EPHA8: variants seen among roughly 807,000 people sequenced by gnomAD.
EPHA8 encodes the protein ephrin type-A receptor 8.
A neutral mutation model predicts 103.6 loss-of-function variants in EPHA8; 58 were observed. The ratio of observed to expected loss-of-function variants is 0.56; its 90% confidence interval spans 0.45 to 0.70. The LOEUF (loss-of-function observed/expected upper bound fraction) is 0.70. Ranked by LOEUF, EPHA8 falls within the 30% of genes least tolerant of loss-of-function variation. The probability of loss-of-function intolerance (pLI) is 0.00; values close to 1 mark genes in which losing one functional copy is unlikely to be tolerated. For synonymous variants in EPHA8, 559 were observed against 572.5 expected (o/e 0.98, Z 0.34); for missense variants, 1,304 against 1,395.2 (o/e 0.93, Z 1.04).
In EPHA8 at chr1:22,599,862, AG is replaced by A. The variant is rs1252830790; in HGVS notation, c.2389-797del. Among the ~76,000 whole-genome samples, 25 of 58,910 alleles carry A rather than the reference AG, an allele frequency of 4.2e-4. No individual in the cohort carries two copies. In the East Asian group the frequency reaches 5.1e-3, roughly 12 times the overall value. 38.6% of individuals were successfully genotyped at this position (58,910 alleles called of 152,430 possible). A position where few individuals can be genotyped will look rare whatever the true frequency, so the allele number is the denominator to read the frequency against. ...AAGAGGAGAGGAGGGGAGGGAAGGG[AG>A]GAAGGGAAGGAGGGAGGGAGTGGGG... On this transcript the variant is annotated intron_variant, in intron 13 of 16. Transcript: ENST00000166244.
rs1570047500 is a variant in EPHA8, at chr1:22,603,407, A to G, written c.*1666A>G. 1.3e-5 allele frequency: 2 copies of G among 150,368 alleles called. No homozygotes were observed. Among genetic ancestry groups the G allele is most frequent in the Non-Finnish European group, 3.0e-5 (2 of 67,550 alleles). The allele number at this position is 150,368 out of a possible 1,614,324, so 9.3% of individuals were successfully genotyped here. On this transcript the variant is annotated 3_prime_UTR_variant, in exon 17 of 17. Coordinates refer to ENST00000166244, the MANE Select transcript of EPHA8 (RefSeq NM_020526.5). Reference sequence around the variant, plus strand: ...CCTGTCTTCCTCCCCACCCCACCCCACTCTTACCCAATTTCTGGGCTCTGG... The same window carrying G: ...CCTGTCTTCCTCCCCACCCCACCCCGCTCTTACCCAATTTCTGGGCTCTGG...
rs1641322653 is a variant in EPHA8, at chr1:22,589,599, A to G, written c.1315+393A>G. 5 of 1,285,588 alleles carry G rather than the reference A, an allele frequency of 3.9e-6. No individual in the cohort carries two copies. Among genetic ancestry groups the G allele is most frequent in the Middle Eastern group, 5.9e-4 (2 of 3,414 alleles). The allele number at this position is 1,285,588 out of a possible 1,614,324, so 79.6% of individuals were successfully genotyped here. On this transcript the variant is annotated intron_variant, in intron 5 of 16. Coordinates refer to ENST00000166244, the MANE Select transcript of EPHA8 (RefSeq NM_020526.5). The surrounding 1 kb of genome is among the most constrained non-coding windows in gnomAD (Gnocchi z 4.3). Reference sequence around the variant, plus strand: ...GCACCTGGCCCGTGGTAAATGCTCAATAAATGTCATTAAAAAATAAAATCA... The same window carrying G: ...GCACCTGGCCCGTGGTAAATGCTCAGTAAATGTCATTAAAAAATAAAATCA...
In EPHA8 at chr1:22,601,017, C is replaced by T; in HGVS notation, c.2658C>T (p.Ser886=). 4.3e-6 allele frequency: 7 copies of T among 1,612,918 alleles called. No individual in the cohort carries two copies. The highest frequency in any genetic ancestry group is 5.9e-6 in the Non-Finnish European group (7 of 1,179,914). The change falls in exon 15 of 17, where the codon TCC becomes TCT. Residue 886 remains serine (S), a synonymous_variant. Coordinates refer to ENST00000166244, the MANE Select transcript of EPHA8 (RefSeq NM_020526.5). ...ACCGGGCGCAGCGGCCTCGCTTCTC[C>T]CAGATTGTCAGTGTCCTCGATGCGC... ...HKDRAQRPRF[S]QIVSVLDALI...
chr1:22,589,474 C>G lies in EPHA8; in HGVS notation c.1315+268C>G, dbSNP rs11584845. ...AAGCCTAGGTTCCAGAACTTTCCCT[C>G]TCTGTGCCTCAGTTTCCTCCCTGGT... On this transcript the variant is annotated intron_variant, in intron 5 of 16. Coordinates refer to ENST00000166244, the MANE Select transcript of EPHA8 (RefSeq NM_020526.5). The surrounding 1 kb of genome is among the most constrained non-coding windows in gnomAD (Gnocchi z 4.3). 0.068 allele frequency: 100,895 copies of G among 1,474,640 alleles called. 3,800 individuals are homozygous for G. The highest frequency in any genetic ancestry group is 0.082 in the Middle Eastern group (345 of 4,226). 91.3% of individuals were successfully genotyped at this position (1,474,640 alleles called of 1,614,324 possible).
At chr1:22,586,355 T>G in intron 3 of EPHA8, 125 bp from the exon 4 acceptor site, 3 of 1,160,646 alleles carry the variant, frequency 2.6e-6, no homozygotes, top group Non-Finnish European at 3.7e-6. Context: ...CTGGGCAGTG[T>G]GAAGGTCTGC....
chr1:22,574,376 A>G (rs1557554207), intron 2 of EPHA8, among the ~76,000 whole-genome samples: 1 of 152,220 alleles, frequency 6.6e-6, no homozygotes, highest in Admixed American at 6.5e-5. Flanking sequence ...GGTGACATGT[A>G]GTGCATTCAC....
intron 3 of EPHA8, among the ~76,000 whole-genome samples, chr1:22,585,050 T>TGTGCGC (rs71020436): frequency 5.3e-5 from 5 of 93,494 alleles, no homozygotes; most frequent in African/African-American, 3.0e-4. Flanking sequence ...TGTGTGTGTG[T>TGTGCGC]GCGCACGCGT....
At chr1:22,594,647 G>A (rs1002005322) in intron 7 of EPHA8, among the ~76,000 whole-genome samples, 26 of 152,346 alleles carry the variant, frequency 1.7e-4, no homozygotes, top group African/African-American at 6.0e-4. Flanking sequence ...GTAGGGCAGA[G>A]CTAGTGACCG....
intron 7 of EPHA8, 89 bp downstream of exon 7, chr1:22,593,775 G>A: frequency 7.1e-7 from 1 of 1,401,138 alleles, no homozygotes; most frequent in African/African-American, 1.4e-5. Flanking sequence ...GCTAGTGCAG[G>A]CTGAGCCAGT....
rs1433336717 is a variant in EPHA8, at chr1:22,563,533, G to A, written c.-103G>A. 1.1e-4 allele frequency: 16 copies of A among 146,340 alleles called. No homozygotes were observed. Among genetic ancestry groups the A allele is most frequent in the Non-Finnish European group, 1.5e-5 (1 of 65,572 alleles). 9.1% of individuals were successfully genotyped at this position (146,340 alleles called of 1,614,324 possible). A position where few individuals can be genotyped will look rare whatever the true frequency, so the allele number is the denominator to read the frequency against. ...TGTGCGCCGGGGTGTGCGCCCGGCC[G>A]GGTGTGCGGAGAGCGAGGGAGCGCG... On this transcript the variant is annotated 5_prime_UTR_variant, in exon 1 of 17. Coordinates refer to ENST00000166244, the MANE Select transcript of EPHA8 (RefSeq NM_020526.5). This position sits in a 1 kb window ranked among gnomAD's most constrained non-coding sequence, Gnocchi z 4.4.
intron 13 of EPHA8, among the ~76,000 whole-genome samples, chr1:22,600,182 AAGG>A (rs1209364064): frequency 2.6e-5 from 3 of 116,138 alleles, no homozygotes; most frequent in Admixed American, 8.3e-5. Flanking sequence ...GGAAGGAAAG[AAGG>A]AGGGAAGGAA....
rs764624482 is a variant in EPHA8 at position 22,576,406 on chromosome 1, A to G, written c.349A>G (p.Thr117Ala). The part of the protein sequence containing the change: ...DCNSMPGVLG[T>A]CKETFNLYYL... ...CAACAGCATGCCTGGTGTGCTGGGCACCTGCAAGGAGACCTTCAACCTCTA... is the reference window on the plus strand; with the variant it reads ...CAACAGCATGCCTGGTGTGCTGGGCGCCTGCAAGGAGACCTTCAACCTCTA... The change falls in exon 3 of 17, where the codon ACC becomes GCC. Residue 117 changes from threonine to alanine, a missense_variant. Physicochemically the swap from Thr to Ala is moderately conservative, Grantham distance 58 (BLOSUM62 0). Transcript: ENST00000166244. The surrounding 1 kb of genome is among the most constrained non-coding windows in gnomAD (Gnocchi z 4.8). 3.0e-5 allele frequency: 48 copies of G among 1,613,762 alleles called. No individual in the cohort carries two copies. The highest frequency in any genetic ancestry group is 8.3e-5 in the Admixed American group (5 of 60,010).
Position 22,576,694 on chromosome 1 carries a change from G to C in EPHA8, c.637G>C (p.Ala213Pro). Reference sequence around the variant, plus strand: ...CCCTGCCATGGTGCGCAATCTGGCTGCCTTCTCGGAGGCAGTGACGGGGGC... The same window carrying C: ...CCCTGCCATGGTGCGCAATCTGGCTCCCTTCTCGGAGGCAGTGACGGGGGC... ...KCPAMVRNLA[A>P]FSEAVTGADS... Residue 213 changes from alanine to proline, a missense_variant, in exon 3 of 17, where the codon GCC (alanine) becomes CCC (proline). Physicochemically the swap from Ala to Pro is conservative, Grantham distance 27. Coordinates refer to ENST00000166244, the MANE Select transcript of EPHA8 (RefSeq NM_020526.5). The surrounding 1 kb of genome is among the most constrained non-coding windows in gnomAD (Gnocchi z 4.8). 1 of 1,613,954 alleles carries C rather than the reference G, an allele frequency of 6.2e-7. No individual in the cohort carries two copies. The highest frequency in any genetic ancestry group is 8.5e-7 in the Non-Finnish European group (1 of 1,180,050).
intron 2 of EPHA8, among the ~76,000 whole-genome samples, chr1:22,572,149 ACT>A (rs2124514187): frequency 2.0e-5 from 3 of 152,316 alleles, no homozygotes; most frequent in African/African-American, 7.2e-5. Context: ...CCATTCAGTA[ACT>A]TGAGGACAAG....
chr1:22,565,129 G>A (rs1023695144), intron 1 of EPHA8, among the ~76,000 whole-genome samples: 14 of 152,216 alleles, frequency 9.2e-5, no homozygotes, highest in African/African-American at 2.9e-4. Context: ...ACGTACAGAT[G>A]CATGCACATG....
chr1:22,585,046 TGTGTGCGCACGC>T (rs1007464116), intron 3 of EPHA8, among the ~76,000 whole-genome samples: 18 of 112,502 alleles, frequency 1.6e-4, no homozygotes, highest in South Asian at 1.3e-3. Flanking sequence ...TGTGTGTGTG[TGTGTGCGCACGC>T]GTGTGTCTAG....
chr1:22,586,385 AC>A, intron 3 of EPHA8, 94 bp from the exon 4 acceptor site: 8 of 1,447,126 alleles, frequency 5.5e-6, no homozygotes, highest in Middle Eastern at 2.5e-4. Flanking sequence ...CCTCTGGGGC[AC>A]CCCCCAGGAA....
rs1301304932 is a variant in EPHA8 at position 22,603,186 on chromosome 1, GCCAGCACAGCTATCCCGCGGGGACA to G, written c.*1453_*1477del. The G allele has an allele frequency of 6.9e-6, 1 of 145,862 alleles. No homozygotes were observed. Among genetic ancestry groups the G allele is most frequent in the Non-Finnish European group, 1.5e-5 (1 of 66,638 alleles). The allele number at this position is 145,862 out of a possible 1,614,324, so 9.0% of individuals were successfully genotyped here. A position where few individuals can be genotyped will look rare whatever the true frequency, so the allele number is the denominator to read the frequency against. On this transcript the variant is annotated 3_prime_UTR_variant, in exon 17 of 17. Transcript: ENST00000166244. Reference sequence around the variant, plus strand: ...CCCAGCCCTGCCCCCCCTCCCCATAGCCAGCACAGCTATCCCGCGGGGACACCAGCACTGAGCCCCCTCTCCCTCC... The same window carrying G: ...CCCAGCCCTGCCCCCCCTCCCCATAGCCAGCACTGAGCCCCCTCTCCCTCC...
Position 22,597,245 on chromosome 1 carries a change from C to A in EPHA8, c.1766-67C>A. 7.7e-7 allele frequency: 1 copy of A among 1,307,154 alleles called. No homozygotes were observed. The highest frequency in any genetic ancestry group is 1.1e-6 in the Non-Finnish European group (1 of 949,952). The allele number at this position is 1,307,154 out of a possible 1,614,324, so 81.0% of individuals were successfully genotyped here. ...CACCCCACCCCAGACCCATCCCAGG[C>A]CCAGGGAATGTCAGGAAAAAGCAAT... On this transcript the variant is annotated intron_variant, in intron 9 of 16. Transcript: ENST00000166244. The surrounding 1 kb of genome is among the most constrained non-coding windows in gnomAD (Gnocchi z 4.6).
Sources: gnomAD v4.1 joint callset for allele counts (sites outside exome capture counted in the v4.1 genomes callset) on GRCh38, gnomAD v4.1.1 for gene constraint, Gnocchi (gnomAD v3.1) non-coding constraint, MANE v1.5 for transcripts, NCBI Gene and HGNC (gene_info 2026-07-23, HGNC 2026-07-21) for gene names.